Variants in QTMAN observed in about 807,000 individuals in gnomAD.
QTMAN encodes tRNA-queuosine alpha-mannosyltransferase.
chr2:144,214,595 G>A, the QTMAN span, among the ~76,000 whole-genome samples: 1 of 152,006 alleles, frequency 6.6e-6, no homozygotes, highest in Non-Finnish European at 1.5e-5. Context: ...GCAACATTTC[G>A]CTTTAATTCT....
the QTMAN span, among the ~76,000 whole-genome samples, chr2:144,280,226 TTC>T: frequency 6.6e-6 from 1 of 152,208 alleles, no homozygotes; most frequent in Non-Finnish European, 1.5e-5. Context: ...GGAGTCACTG[TTC>T]TCTTTTATTT....
chr2:144,082,570 CA>C, the QTMAN span, among the ~76,000 whole-genome samples: 10 of 151,750 alleles, frequency 6.6e-5, no homozygotes, highest in African/African-American at 2.2e-4. Flanking sequence ...AGCAGAAGTA[CA>C]AAAAGGTTGA....
At chr2:143,950,872 G>A in the QTMAN span, 1 of 151,902 alleles carries the variant, frequency 6.6e-6, no homozygotes, top group African/African-American at 2.4e-5. Context: ...AGCTGGAACT[G>A]TTCAGTCAGC....
chr2:144,086,860 A>G, the QTMAN span, among the ~76,000 whole-genome samples: 1 of 152,104 alleles, frequency 6.6e-6, no homozygotes, highest in Non-Finnish European at 1.5e-5. Flanking sequence ...TCCTTTTTGG[A>G]GTCCTTTTAT....
the QTMAN span, chr2:143,940,187 A>G: frequency 6.6e-6 from 1 of 152,222 alleles, no homozygotes; most frequent in African/African-American, 2.4e-5. Flanking sequence ...CTGCCTTTGG[A>G]ATGCCTTTCC....
the QTMAN span, among the ~76,000 whole-genome samples, chr2:144,187,022 A>G: frequency 4.7e-4 from 71 of 152,158 alleles, 1 homozygote; most frequent in Middle Eastern, 3.2e-3. Context: ...CTTAATCTTA[A>G]TAAGAAAAAA....
the QTMAN span, among the ~76,000 whole-genome samples, chr2:144,072,094 T>C: frequency 6.6e-6 from 1 of 152,204 alleles, no homozygotes; most frequent in African/African-American, 2.4e-5. Flanking sequence ...CGAAAAGCCA[T>C]GCATCCAAAA....
chr2:144,250,631 A>G, the QTMAN span, among the ~76,000 whole-genome samples: 1 of 152,000 alleles, frequency 6.6e-6, no homozygotes, highest in Non-Finnish European at 1.5e-5. Context: ...TGAAAGTATT[A>G]CTTTACACTT....
the QTMAN span, among the ~76,000 whole-genome samples, chr2:144,216,366 G>C: frequency 6.6e-6 from 1 of 152,274 alleles, no homozygotes; most frequent in East Asian, 1.9e-4. Context: ...CCTGAAAGTT[G>C]TCTCAGGACC....
chr2:144,219,650 C>T, the QTMAN span, among the ~76,000 whole-genome samples: 24 of 152,128 alleles, frequency 1.6e-4, no homozygotes, highest in Admixed American at 7.9e-4. Flanking sequence ...GCAAAACCCC[C>T]GTCTCTACAA....
chr2:144,304,805 A>G, the QTMAN span, among the ~76,000 whole-genome samples: 1 of 152,338 alleles, frequency 6.6e-6, no homozygotes, highest in East Asian at 1.9e-4. Flanking sequence ...TATAAACTTT[A>G]TTTATAATTT....
chr2:144,110,990 T>C, the QTMAN span, among the ~76,000 whole-genome samples: 23 of 152,248 alleles, frequency 1.5e-4, no homozygotes, highest in East Asian at 4.5e-3. Flanking sequence ...TTCCCTAAAA[T>C]TCCCAGTTGT....
the QTMAN span, among the ~76,000 whole-genome samples, chr2:144,304,764 T>G: frequency 2.6e-5 from 4 of 152,348 alleles, no homozygotes; most frequent in African/African-American, 9.6e-5. Context: ...AAATAAAAGC[T>G]ATTTTAAAAA....
At chr2:144,232,901 A>T in the QTMAN span, among the ~76,000 whole-genome samples, 1 of 152,158 alleles carries the variant, frequency 6.6e-6, no homozygotes, top group African/African-American at 2.4e-5. Flanking sequence ...CACTAACTAT[A>T]ATTTTGCAAG....
chr2:143,983,903 A>C, the QTMAN span, among the ~76,000 whole-genome samples: 1 of 152,214 alleles, frequency 6.6e-6, no homozygotes, highest in Non-Finnish European at 1.5e-5. Flanking sequence ...ATATCATTTA[A>C]AGTAAAACTT....
chr2:144,291,582 C>T, the QTMAN span, among the ~76,000 whole-genome samples: 2 of 152,202 alleles, frequency 1.3e-5, no homozygotes, highest in East Asian at 1.9e-4. Flanking sequence ...ATCACTTTAA[C>T]ATTATATCAC....
chr2:144,295,529 C>T, the QTMAN span, among the ~76,000 whole-genome samples: 6 of 152,192 alleles, frequency 3.9e-5, no homozygotes, highest in Non-Finnish European at 8.8e-5. Flanking sequence ...CAACCTATTT[C>T]TCTACCAGAA....
the QTMAN span, among the ~76,000 whole-genome samples, chr2:144,005,228 G>A: frequency 2.0e-5 from 3 of 151,962 alleles, no homozygotes; most frequent in Admixed American, 2.0e-4. Context: ...ATATCTATAT[G>A]AGCATAAAGT....
At chr2:144,135,859 C>T in the QTMAN span, among the ~76,000 whole-genome samples, 19 of 152,196 alleles carry the variant, frequency 1.2e-4, no homozygotes, top group African/African-American at 4.6e-4. Flanking sequence ...AAGTTACTTA[C>T]GTTTTCTATG....
Sources: gnomAD v4.1 joint callset for allele counts (sites outside exome capture counted in the v4.1 genomes callset) on GRCh38, gnomAD v4.1.1 for gene constraint, MANE v1.5 for transcripts, NCBI Gene and HGNC (gene_info 2026-07-23, HGNC 2026-07-21) for gene names.